Variants in TRPC1 observed in about 807,000 individuals in gnomAD.
The protein encoded by TRPC1 is transient receptor potential cation channel subfamily C member 1.
Under a neutral mutation model 88.2 loss-of-function variants are expected in TRPC1, and 42 were observed. The ratio of observed to expected loss-of-function variants is 0.48; its 90% confidence interval spans 0.37 to 0.62. The LOEUF (loss-of-function observed/expected upper bound fraction) is 0.62, where lower values mean the gene tolerates loss of function less well. TRPC1 is among the 20% of genes least tolerant of loss of function. The probability of loss-of-function intolerance (pLI) is 0.00; values close to 1 mark genes in which losing one functional copy is unlikely to be tolerated. For missense variants in TRPC1, 699 were observed against 957.3 expected, an observed-to-expected ratio of 0.73 and a Z score of 3.56; for synonymous variants, 288 against 331.8, an observed-to-expected ratio of 0.87 and a Z score of 1.43.
chr3:142,796,398 C>T (rs939558554), intron 9 of TRPC1, among the ~76,000 whole-genome samples: 2 of 152,102 alleles, frequency 1.3e-5, no homozygotes, highest in Non-Finnish European at 2.9e-5. Context: ...CAGCCTTTTA[C>T]ACTGACAGTT....
At chr3:142,734,369 C>A (rs1346996296) in intron 1 of TRPC1, among the ~76,000 whole-genome samples, 1 of 151,796 alleles carries the variant, frequency 6.6e-6, no homozygotes, top group Non-Finnish European at 1.5e-5. Flanking sequence ...TTTAAGAAAT[C>A]AGTGAATGGG....
chr3:142,724,883 C>A lies in TRPC1; in HGVS notation c.172+152C>A. 1 of 889,414 alleles carries A rather than the reference C, an allele frequency of 1.1e-6. No homozygotes were observed. The highest frequency in any genetic ancestry group is 1.6e-6 in the Non-Finnish European group (1 of 638,230). The allele number at this position is 889,414 out of a possible 1,614,324, so 55.1% of individuals were successfully genotyped here. A position where few individuals can be genotyped will look rare whatever the true frequency, so the allele number is the denominator to read the frequency against. The stretch of plus-strand genomic sequence containing the variant: ...GCTGCCTCAGGCGGTCTTCTCCTCA[C>A]CGCCTCTGCCCTGTGAGTGTGGAGC... On this transcript the variant is annotated intron_variant, in intron 1 of 12. Transcript: ENST00000476941. The surrounding 1 kb of genome is among the most constrained non-coding windows in gnomAD (Gnocchi z 5.6).
chr3:142,746,790 G>A (rs963633321), intron 3 of TRPC1, among the ~76,000 whole-genome samples: 6 of 152,022 alleles, frequency 3.9e-5, no homozygotes, highest in South Asian at 2.1e-4. Flanking sequence ...GCCGGGAGGC[G>A]GAGCTTTCAG....
At chr3:142,774,535 G>T (rs1236983189) in intron 4 of TRPC1, among the ~76,000 whole-genome samples, 2 of 152,154 alleles carry the variant, frequency 1.3e-5, no homozygotes, top group Non-Finnish European at 2.9e-5. Context: ...CCAGCTACAG[G>T]ATGGCAAAAC....
intron 1 of TRPC1, among the ~76,000 whole-genome samples, chr3:142,732,976 T>TC (rs1933984658): frequency 6.6e-6 from 1 of 152,094 alleles, no homozygotes; most frequent in South Asian, 2.1e-4. Flanking sequence ...CTTTTTTTTT[T>TC]TTTGACATAG....
intron 4 of TRPC1, among the ~76,000 whole-genome samples, chr3:142,764,293 C>A (rs532777715): frequency 3.7e-4 from 56 of 152,094 alleles, no homozygotes; most frequent in Admixed American, 2.6e-3. Context: ...GGATTGTACA[C>A]CACAGATACA....
At chr3:142,802,662 ATC>A (rs1242790686) in intron 10 of TRPC1, among the ~76,000 whole-genome samples, 2 of 152,182 alleles carry the variant, frequency 1.3e-5, no homozygotes, top group Non-Finnish European at 2.9e-5. Flanking sequence ...GATGTTCAGC[ATC>A]TCTGTCCTTC....
chr3:142,734,927 C>A (rs1323239282), intron 1 of TRPC1, among the ~76,000 whole-genome samples: 1 of 152,144 alleles, frequency 6.6e-6, no homozygotes, highest in Non-Finnish European at 1.5e-5. Flanking sequence ...AATAGAGTCA[C>A]CTGAAATAAG....
intron 4 of TRPC1, among the ~76,000 whole-genome samples, chr3:142,757,322 G>A (rs1935008030): frequency 6.8e-6 from 1 of 147,956 alleles, no homozygotes; most frequent in African/African-American, 2.6e-5. Context: ...TAATCCCAAA[G>A]GATTATAAAT....
intron 4 of TRPC1, among the ~76,000 whole-genome samples, chr3:142,774,459 T>C (rs901058677): frequency 6.6e-6 from 1 of 152,216 alleles, no homozygotes; most frequent in Non-Finnish European, 1.5e-5. Context: ...TTTCAGCCAG[T>C]AGAGCTATAG....
intron 1 of TRPC1, among the ~76,000 whole-genome samples, chr3:142,729,682 C>G (rs1335992627): frequency 6.6e-6 from 1 of 152,166 alleles, no homozygotes; most frequent in African/African-American, 2.4e-5. Context: ...AATTCCTCTT[C>G]TACCTTGCTG....
At chr3:142,727,466 A>G (rs1477765479) in intron 1 of TRPC1, among the ~76,000 whole-genome samples, 1 of 152,234 alleles carries the variant, frequency 6.6e-6, no homozygotes, top group Non-Finnish European at 1.5e-5. Context: ...AGAGAAAAGA[A>G]AAAGATTTAT....
At chr3:142,751,101 C>T (rs1934748618) in intron 4 of TRPC1, among the ~76,000 whole-genome samples, 1 of 151,988 alleles carries the variant, frequency 6.6e-6, no homozygotes, top group African/African-American at 2.4e-5. Context: ...TTACTGTGAG[C>T]TAGGTTTAAT....
intron 4 of TRPC1, among the ~76,000 whole-genome samples, chr3:142,753,339 T>G (rs1383837215): frequency 6.6e-6 from 1 of 152,208 alleles, no homozygotes; most frequent in African/African-American, 2.4e-5. Flanking sequence ...GTTTGGAACA[T>G]TAACAGTAGA....
intron 12 of TRPC1, 131 bp downstream of exon 12, chr3:142,804,761 C>G: frequency 1.4e-6 from 1 of 709,328 alleles, no homozygotes; most frequent in Non-Finnish European, 2.2e-6. Flanking sequence ...TGCTATATAC[C>G]CTAATGTACG....
intron 4 of TRPC1, among the ~76,000 whole-genome samples, chr3:142,761,665 A>G (rs1935188609): frequency 6.6e-6 from 1 of 151,988 alleles, no homozygotes; most frequent in Non-Finnish European, 1.5e-5. Flanking sequence ...TTTTCTTGAA[A>G]TGTTTGGTAG....
At chr3:142,780,678 T>C (rs1935931473) in intron 5 of TRPC1, among the ~76,000 whole-genome samples, 156 bp from the exon 6 acceptor site, 2 of 152,216 alleles carry the variant, frequency 1.3e-5, no homozygotes, top group Admixed American at 6.5e-5. Flanking sequence ...AATTCGTGCA[T>C]CACTAGTTTC....
chr3:142,780,735 C>A, intron 5 of TRPC1, 99 bp from the exon 6 acceptor site: 2 of 1,205,390 alleles, frequency 1.7e-6, no homozygotes, highest in Non-Finnish European at 2.3e-6. Flanking sequence ...GTAACACTGT[C>A]AGAATTAAAA....
At chr3:142,803,542 A>G (rs147329752) in intron 10 of TRPC1, among the ~76,000 whole-genome samples, 1 of 152,200 alleles carries the variant, frequency 6.6e-6, no homozygotes, top group African/African-American at 2.4e-5. Context: ...ATCCAATTAG[A>G]TATTAGCAAA....
Sources: allele counts gnomAD v4.1 joint callset (sites outside exome capture counted in the v4.1 genomes callset), GRCh38; gene constraint gnomAD v4.1.1; non-coding constraint Gnocchi (gnomAD v3.1); transcripts MANE v1.5; gene names NCBI Gene and HGNC (gene_info 2026-07-23, HGNC 2026-07-21).